The following SMOX variants were observed in gnomAD, a reference collection of about 807,000 sequenced individuals.
The protein encoded by SMOX is flavin containing amine oxidase.
Under a neutral mutation model 51.0 loss-of-function variants are expected in SMOX, and 22 were observed. The observed-to-expected ratio is 0.43, with a 90% CI of 0.31 to 0.62. The LOEUF (loss-of-function observed/expected upper bound fraction) is 0.62. Among genes scored for constraint, SMOX ranks in the 20% least tolerant of loss-of-function variants. The pLI, the probability that SMOX is intolerant of heterozygous loss-of-function variation, is 0.10. For missense variants in SMOX, 566 were observed against 777.7 expected (o/e 0.73, Z 3.24); for synonymous variants, 282 against 307.8 (o/e 0.92, Z 0.88).
In SMOX at chr20:4,183,238, T is replaced by C; in HGVS notation, c.1370-256T>C. The C allele has an allele frequency of 1.7e-6, 1 of 584,370 alleles. No individual in the cohort carries two copies. The highest frequency in any genetic ancestry group is 3.0e-5 in the East Asian group (1 of 33,808). The allele number at this position is 584,370 out of a possible 1,614,324, so 36.2% of individuals were successfully genotyped here. On this transcript the variant is annotated intron_variant, in intron 5 of 6. Coordinates refer to ENST00000305958, the MANE Select transcript of SMOX (RefSeq NM_175839.3). This position sits in a 1 kb window ranked among gnomAD's most constrained non-coding sequence, Gnocchi z 4.3. Reference sequence around the variant, plus strand: ...CCCGATATTAGGCGGGGAAACATGATTATGTGTCATGTGTTTTCAGATAGA... The same window carrying C: ...CCCGATATTAGGCGGGGAAACATGACTATGTGTCATGTGTTTTCAGATAGA...
Position 4,187,138 on chromosome 20 carries a change from G to A in SMOX, c.1531-132G>A. ...ATGGGCAGCTCTTCATCCTGTGGAA[G>A]CAGCAGCACCTGCGTCTCAGAGCCT... On this transcript the variant is annotated intron_variant, in intron 6 of 6. Transcript: ENST00000305958. This position sits in a 1 kb window ranked among gnomAD's most constrained non-coding sequence, Gnocchi z 4.8. 3.6e-5 allele frequency: 42 copies of A among 1,173,172 alleles called. No individual in the cohort carries two copies. Among genetic ancestry groups the A allele is most frequent in the Non-Finnish European group, 4.9e-5 (42 of 853,762 alleles). The allele number at this position is 1,173,172 out of a possible 1,614,324, so 72.7% of individuals were successfully genotyped here.
Position 4,183,976 on chromosome 20 carries a change from AT to A in SMOX, c.1530+332del, listed in dbSNP as rs199883792. Reference sequence around the variant, plus strand: ...TATTAAAAATTTAAATTAATACAGTATTTTTTTTTTCTTTTTTGAGACAGGG... The same window carrying A: ...TATTAAAAATTTAAATTAATACAGTATTTTTTTTTCTTTTTTGAGACAGGG... On this transcript the variant is annotated intron_variant, in intron 6 of 6. Coordinates refer to ENST00000305958, the MANE Select transcript of SMOX (RefSeq NM_175839.3). This position sits in a 1 kb window ranked among gnomAD's most constrained non-coding sequence, Gnocchi z 4.3. Among the ~76,000 whole-genome samples, 12 of 149,170 alleles carry A rather than the reference AT, an allele frequency of 8.0e-5. No individual in the cohort carries two copies. Among genetic ancestry groups the A allele is most frequent in the South Asian group, 2.1e-4 (1 of 4,680 alleles).
chr20:4,154,393 T>TTTTTTTTTA, intron 1 of SMOX, among the ~76,000 whole-genome samples: 1 of 151,988 alleles, frequency 6.6e-6, no homozygotes, highest in African/African-American at 2.4e-5. Flanking sequence ...TTTCTTTTTT[T>TTTTTTTTTA]GAGACGGAGT....
At position 4,187,170 on chromosome 20, in the gene SMOX, T is replaced by G; in HGVS notation, c.1531-100T>G. The G allele has an allele frequency of 1.4e-6, 2 of 1,425,484 alleles. No individual in the cohort carries two copies. The highest frequency in any genetic ancestry group is 1.9e-6 in the Non-Finnish European group (2 of 1,064,236). 88.3% of individuals were successfully genotyped at this position (1,425,484 alleles called of 1,614,324 possible). Reference sequence around the variant, plus strand: ...CACCTGCGTCTCAGAGCCTCTCTAATTTGTCATTGGGATGGGAGGTTCTGG... The same window carrying G: ...CACCTGCGTCTCAGAGCCTCTCTAAGTTGTCATTGGGATGGGAGGTTCTGG... On this transcript the variant is annotated intron_variant, in intron 6 of 6. Coordinates refer to ENST00000305958, the MANE Select transcript of SMOX (RefSeq NM_175839.3). This position sits in a 1 kb window ranked among gnomAD's most constrained non-coding sequence, Gnocchi z 4.8.
chr20:4,164,160 G>C (rs1986452808), intron 1 of SMOX, among the ~76,000 whole-genome samples: 1 of 152,090 alleles, frequency 6.6e-6, no homozygotes, highest in Non-Finnish European at 1.5e-5. Flanking sequence ...GTCTCTGTGG[G>C]GTAGGGTGGC....
chr20:4,174,326 GT>G (rs143291961), intron 1 of SMOX, among the ~76,000 whole-genome samples: 2,585 of 152,246 alleles, frequency 0.017, 50 homozygotes, highest in African/African-American at 0.058. Context: ...TGGGATCTGT[GT>G]TGAGTATCCT....
rs988132087 is a variant in SMOX, at chr20:4,167,793, T to A, written c.-26-7237T>A. On this transcript the variant is annotated intron_variant, in intron 1 of 6. Coordinates refer to ENST00000305958, the MANE Select transcript of SMOX (RefSeq NM_175839.3). This position sits in a 1 kb window ranked among gnomAD's most constrained non-coding sequence, Gnocchi z 4.8. ...GTGGCAGCCCAGCCTGGCCCAGCAG[T>A]CCTTTTACTTCCTGGCCAGCCTGAG... is the stretch of plus-strand genomic sequence containing the variant. Among the ~76,000 whole-genome samples the A allele has an allele frequency of 8.6e-5, 13 of 152,004 alleles. No homozygotes were observed. Among genetic ancestry groups the A allele is most frequent in the African/African-American group, 2.9e-4 (12 of 41,370 alleles).
chr20:4,182,697 C>A lies in SMOX; in HGVS notation c.1218C>A (p.Arg406=). ...CCTACCCACCTGAGCTCTGGTACCG[C>A]AAGATCTGCGGCTTTGATGTCCTCT... ...TLTYPPELWY[R]KICGFDVLYP... The change falls in exon 5 of 7, where the codon CGC becomes CGA. Residue 406 remains arginine, a synonymous_variant. Transcript: ENST00000305958. The surrounding 1 kb of genome is among the most constrained non-coding windows in gnomAD (Gnocchi z 8.4). 1 of 1,614,174 alleles carries A rather than the reference C, an allele frequency of 6.2e-7. No individual in the cohort carries two copies. The highest frequency in any genetic ancestry group is 8.5e-7 in the Non-Finnish European group (1 of 1,180,022).
rs111802139 is a variant in SMOX, at chr20:4,183,482, A to G, written c.1370-12A>G. 4.7e-4 allele frequency: 757 copies of G among 1,613,352 alleles called. 7 individuals are homozygous for G. In the African/African-American group the frequency reaches 8.9e-3, roughly 19 times the overall value. ...ATCCTCCCTCCTCTTGGCTTTTCTG[A>G]CTCTCCATCAGGGAACCCCAACATT... On this transcript the variant is annotated splice_polypyrimidine_tract_variant and intron_variant, in intron 5 of 6. Coordinates refer to ENST00000305958, the MANE Select transcript of SMOX (RefSeq NM_175839.3). The surrounding 1 kb of genome is among the most constrained non-coding windows in gnomAD (Gnocchi z 4.3).
chr20:4,169,364 G>A (rs1001360906), intron 1 of SMOX, among the ~76,000 whole-genome samples: 5 of 152,148 alleles, frequency 3.3e-5, no homozygotes, highest in African/African-American at 7.2e-5. Flanking sequence ...TGTGGGGTAC[G>A]GGAGGCTGGC....
chr20:4,174,976 C>G (rs886293851), intron 1 of SMOX, 54 bp from the exon 2 acceptor site: 107 of 1,546,658 alleles, frequency 6.9e-5, no homozygotes, highest in African/African-American at 6.5e-4. Flanking sequence ...TCCCTTGGGG[C>G]AGGTGGGAAG....
At chr20:4,165,030 A>C (rs1600805974) in intron 1 of SMOX, among the ~76,000 whole-genome samples, 2 of 138,494 alleles carry the variant, frequency 1.4e-5, no homozygotes, top group South Asian at 2.3e-4. Flanking sequence ...GTTGTGCATC[A>C]CCATGCCTTA....
chr20:4,171,993 C>G (rs966197812), intron 1 of SMOX: 1 of 152,332 alleles, frequency 6.6e-6, no homozygotes, highest in African/African-American at 2.4e-5. Flanking sequence ...AGCGCTGTTC[C>G]CCTATCCTGG....
At chr20:4,184,776 T>C (rs1172508739) in intron 6 of SMOX, among the ~76,000 whole-genome samples, 1 of 152,208 alleles carries the variant, frequency 6.6e-6, no homozygotes, top group Non-Finnish European at 1.5e-5. Flanking sequence ...AAAGCAAATC[T>C]TCTCTTTTCA....
chr20:4,187,482 C>T lies in SMOX; in HGVS notation c.*75C>T. On this transcript the variant is annotated 3_prime_UTR_variant, in exon 7 of 7. Coordinates refer to ENST00000305958, the MANE Select transcript of SMOX (RefSeq NM_175839.3). The surrounding 1 kb of genome is among the most constrained non-coding windows in gnomAD (Gnocchi z 4.8). ...GCCCCTTGCTGCCGTGTGCTCCTGC[C>T]TTCCTGATCCTCTGTAGAAAGGATT... 6.4e-7 allele frequency: 1 copy of T among 1,566,560 alleles called. No individual in the cohort carries two copies. The highest frequency in any genetic ancestry group is 8.7e-7 in the Non-Finnish European group (1 of 1,153,598).
chr20:4,149,924 TG>T lies in SMOX; in HGVS notation c.-27+948del, dbSNP rs1374299954. Among the ~76,000 whole-genome samples, 4 of 152,110 alleles carry T rather than the reference TG, an allele frequency of 2.6e-5. No individual in the cohort carries two copies. Among genetic ancestry groups the T allele is most frequent in the African/African-American group, 9.7e-5 (4 of 41,416 alleles). On this transcript the variant is annotated intron_variant, in intron 1 of 6. Transcript: ENST00000305958. The surrounding 1 kb of genome is among the most constrained non-coding windows in gnomAD (Gnocchi z 6.0). ...CCGGGGTGCCATGCATCCGAAAGTG[TG>T]TGCAGTGAAGCCCCCACATTTGCAT...
chr20:4,150,341 G>A (rs944109709), intron 1 of SMOX, among the ~76,000 whole-genome samples: 4 of 152,092 alleles, frequency 2.6e-5, no homozygotes, highest in Non-Finnish European at 4.4e-5. Context: ...CCTCAGCCAA[G>A]CTCTCCAGTG....
chr20:4,158,062 G>A (rs181519131), intron 1 of SMOX, among the ~76,000 whole-genome samples: 272 of 149,786 alleles, frequency 1.8e-3, no homozygotes, highest in African/African-American at 6.2e-3. Context: ...CACCACGCCC[G>A]GCTAATTTTT....
At chr20:4,165,128 C>T (rs1318679796) in intron 1 of SMOX, among the ~76,000 whole-genome samples, 1 of 136,192 alleles carries the variant, frequency 7.3e-6, no homozygotes, top group Non-Finnish European at 1.5e-5. Context: ...GATCTTGGCT[C>T]ACTGCAACCT....
Sources: allele counts gnomAD v4.1 joint callset (sites outside exome capture counted in the v4.1 genomes callset), GRCh38; gene constraint gnomAD v4.1.1; non-coding constraint Gnocchi (gnomAD v3.1); transcripts MANE v1.5; gene names NCBI Gene and HGNC (gene_info 2026-07-23, HGNC 2026-07-21).